VPS13B: variants seen among roughly 807,000 people sequenced by gnomAD.
The protein encoded by VPS13B is intermembrane lipid transfer protein VPS13B.
A neutral mutation model predicts 426.4 loss-of-function variants in VPS13B; 285 were observed. That is an observed-to-expected ratio of 0.67 (90% CI 0.61 to 0.74). The LOEUF (loss-of-function observed/expected upper bound fraction) is 0.74. Among genes scored for constraint, VPS13B ranks in the 30% least tolerant of loss-of-function variants. The pLI is 0.00. For synonymous variants in VPS13B, 1,676 were observed against 1,676.4 expected (o/e 1.00, Z 0.01); for missense variants, 4,537 against 4,782.6 (o/e 0.95, Z 1.51).
chr8:99,658,157 A>C (rs1830088304), intron 34 of VPS13B, among the ~76,000 whole-genome samples: 1 of 152,208 alleles, frequency 6.6e-6, no homozygotes, highest in Non-Finnish European at 1.5e-5. Flanking sequence ...AACATATATA[A>C]TTACCTAGGA....
intron 19 of VPS13B, among the ~76,000 whole-genome samples, chr8:99,338,479 T>C (rs930191028): frequency 2.0e-5 from 3 of 152,080 alleles, no homozygotes; most frequent in African/African-American, 7.2e-5. Context: ...TTTCAAAATT[T>C]ATATAATTAT....
intron 19 of VPS13B, among the ~76,000 whole-genome samples, chr8:99,382,003 T>C (rs1813840261): frequency 6.6e-6 from 1 of 152,186 alleles, no homozygotes. Flanking sequence ...TTGATTTTTG[T>C]ATATGGTCTA....
intron 33 of VPS13B, among the ~76,000 whole-genome samples, chr8:99,631,962 T>A (rs1430992588): frequency 1.3e-5 from 2 of 152,002 alleles, no homozygotes; most frequent in Non-Finnish European, 2.9e-5. Flanking sequence ...TCCCAATAAA[T>A]TATTCTAGCT....
chr8:99,717,297 G>A lies in VPS13B; in HGVS notation c.6581G>A (p.Cys2194Tyr), dbSNP rs771538192. 17 of 1,613,896 alleles carry A rather than the reference G, an allele frequency of 1.1e-5. No homozygotes were observed. Among genetic ancestry groups the A allele is most frequent in the Admixed American group, 1.7e-5 (1 of 59,966 alleles). ...ACTGCCAATCTGGAAGCTAAGTGGT[G>A]TAAACACAGCGGGAATCCAGGCCCA... The part of the protein sequence containing the change: ...CATANLEAKW[C>Y]KHSGNPGPEQ... Residue 2194 changes from cysteine (C) to tyrosine (Y), a missense_variant, in exon 37 of 62, where the codon TGT (cysteine) becomes TAT (tyrosine). By Grantham distance (194) the Cys-to-Tyr change is radical (BLOSUM62 -2). Transcript: ENST00000357162.
At chr8:99,098,861 T>C (rs1183134336) in intron 4 of VPS13B, among the ~76,000 whole-genome samples, 1 of 152,116 alleles carries the variant, frequency 6.6e-6, no homozygotes, top group Non-Finnish European at 1.5e-5. Context: ...CTTTTTATAC[T>C]TTTTTGTTAG....
chr8:99,736,536 G>T (rs1833839282), intron 39 of VPS13B, among the ~76,000 whole-genome samples: 1 of 152,116 alleles, frequency 6.6e-6, no homozygotes. Context: ...TCACACCACT[G>T]CATTCCAGTC....
intron 19 of VPS13B, among the ~76,000 whole-genome samples, chr8:99,377,498 G>A (rs1813553029): frequency 6.6e-6 from 1 of 152,052 alleles, no homozygotes; most frequent in Admixed American, 6.6e-5. Context: ...TCAACAATTT[G>A]TCATTTCTGT....
At chr8:99,119,780 A>G (rs77746568) in intron 7 of VPS13B, among the ~76,000 whole-genome samples, 2,511 of 152,318 alleles carry the variant, frequency 0.016, 38 homozygotes, top group East Asian at 0.091. Flanking sequence ...TAAGGATGTT[A>G]TTTAAAGATT....
chr8:99,644,518 A>G (rs961252312), intron 34 of VPS13B, among the ~76,000 whole-genome samples: 2 of 152,094 alleles, frequency 1.3e-5, no homozygotes, highest in South Asian at 2.1e-4. Context: ...GTGGAACCCA[A>G]TTTTGGTACA....
chr8:99,177,768 T>C (rs1241913891), intron 16 of VPS13B, among the ~76,000 whole-genome samples: 2 of 152,240 alleles, frequency 1.3e-5, no homozygotes, highest in Non-Finnish European at 2.9e-5. Context: ...AACTCATTCT[T>C]AGCTTATTGC....
At chr8:99,609,703 T>G (rs571474447) in intron 33 of VPS13B, among the ~76,000 whole-genome samples, 1 of 152,318 alleles carries the variant, frequency 6.6e-6, no homozygotes, top group South Asian at 2.1e-4. Context: ...AGATGTTTAT[T>G]AATGGGTCAG....
At chr8:99,769,195 T>G (rs752376591) in intron 40 of VPS13B, among the ~76,000 whole-genome samples, 24 of 152,174 alleles carry the variant, frequency 1.6e-4, no homozygotes, top group Non-Finnish European at 2.9e-4. Flanking sequence ...TTACCTAATA[T>G]TTCACAATTT....
At chr8:99,350,091 T>C (rs1243205173) in intron 19 of VPS13B, among the ~76,000 whole-genome samples, 1 of 152,164 alleles carries the variant, frequency 6.6e-6, no homozygotes, top group African/African-American at 2.4e-5. Flanking sequence ...TAAGTGAAGT[T>C]TGAGATTAGA....
rs1819177835 is a variant in VPS13B at position 99,467,578 on chromosome 8, G to C, written c.3610G>C (p.Val1204Leu). Reference protein sequence around the residue: ...ATGPDTRHSFVVCLHVDLESL... With the variant: ...ATGPDTRHSFLVCLHVDLESL... ...GGGACCTGATACACGACATTCATTT[G>C]TTGTCTGTCTCCATGTTGACCTAGA... Residue 1204 changes from valine to leucine, a missense_variant, in exon 24 of 62, where the codon GTT (valine) becomes CTT (leucine). Transcript: ENST00000357162. The C allele has an allele frequency of 6.2e-7, 1 of 1,613,690 alleles. No homozygotes were observed. Among genetic ancestry groups the C allele is most frequent in the Admixed American group, 1.7e-5 (1 of 59,956 alleles).
At chr8:99,163,547 G>A (rs1442384970) in intron 15 of VPS13B, among the ~76,000 whole-genome samples, 2 of 152,242 alleles carry the variant, frequency 1.3e-5, no homozygotes, top group South Asian at 2.1e-4. Flanking sequence ...CTGCCCCGTG[G>A]GAAGGCAGCT....
intron 12 of VPS13B, among the ~76,000 whole-genome samples, chr8:99,141,751 T>G (rs890000890): frequency 2.6e-5 from 4 of 151,914 alleles, no homozygotes; most frequent in Non-Finnish European, 5.9e-5. Flanking sequence ...GTAATAAATC[T>G]AATTAATTTT....
intron 34 of VPS13B, among the ~76,000 whole-genome samples, chr8:99,657,501 G>A (rs1830067171): frequency 1.6e-4 from 2 of 12,756 alleles, no homozygotes; most frequent in African/African-American, 2.4e-4. Flanking sequence ...TGTGTATGCA[G>A]ATAGATTTTT....
At chr8:99,604,473 A>G (rs1827474999) in intron 33 of VPS13B, among the ~76,000 whole-genome samples, 2 of 148,362 alleles carry the variant, frequency 1.3e-5, no homozygotes, top group Admixed American at 1.3e-4. Flanking sequence ...AGAATACGAC[A>G]GTTTCTCATA....
chr8:99,665,510 G>A (rs1051392568), intron 35 of VPS13B, among the ~76,000 whole-genome samples: 3 of 152,170 alleles, frequency 2.0e-5, no homozygotes, highest in African/African-American at 7.2e-5. Context: ...GTGTAAGGAA[G>A]GGATTGAGTT....
Sources: allele counts gnomAD v4.1 joint callset (sites outside exome capture counted in the v4.1 genomes callset), GRCh38; gene constraint gnomAD v4.1.1; transcripts MANE v1.5; gene names NCBI Gene and HGNC (gene_info 2026-07-23, HGNC 2026-07-21).